FHIP2A: variants seen among roughly 807,000 people sequenced by gnomAD.
FHIP2A encodes the protein family with sequence similarity 160 member B1.
FHIP2A carries 46 observed loss-of-function variants against 93.5 expected under a neutral mutation model. The observed-to-expected ratio is 0.49, with a 90% CI of 0.39 to 0.63. The LOEUF is 0.63. FHIP2A is among the 20% of genes least tolerant of loss of function. The probability of loss-of-function intolerance (pLI) is 0.00; values close to 1 mark genes in which losing one functional copy is unlikely to be tolerated. For missense variants in FHIP2A, 769 were observed against 909.7 expected (o/e 0.85, Z 1.99); for synonymous variants, 332 against 326.5 (o/e 1.02, Z -0.18).
At chr10:114,878,868 CTCTT>C (rs1470696391) in intron 16 of FHIP2A, among the ~76,000 whole-genome samples, 1 of 151,888 alleles carries the variant, frequency 6.6e-6, no homozygotes, top group Admixed American at 6.6e-5. Context: ...TCTTTCCTAA[CTCTT>C]TCTTGGCTTT....
chr10:114,830,007 G>A (rs1020691735), intron 1 of FHIP2A, among the ~76,000 whole-genome samples: 1 of 152,140 alleles, frequency 6.6e-6, no homozygotes, highest in Non-Finnish European at 1.5e-5. Flanking sequence ...CTAAAAATAT[G>A]CACTGCCTAA....
chr10:114,872,410 C>T (rs1356950260), intron 16 of FHIP2A, among the ~76,000 whole-genome samples: 1 of 152,182 alleles, frequency 6.6e-6, no homozygotes, highest in Non-Finnish European at 1.5e-5. Flanking sequence ...TTATAACCCA[C>T]ACAATTTAAT....
intron 13 of FHIP2A, among the ~76,000 whole-genome samples, chr10:114,851,492 C>CT (rs1405278215): frequency 2.0e-5 from 3 of 151,928 alleles, no homozygotes; most frequent in Non-Finnish European, 2.9e-5. Context: ...CGTGTATTGA[C>CT]TTTAAGTGTA....
At position 114,864,687 on chromosome 10, in the gene FHIP2A, C is replaced by G. The variant is rs1316576618; in HGVS notation, c.*3147C>G. ...TGCATGCAGGACTAAGAGGGATGATCTAAAAAATAAATAATGTAATTTAAA... is the reference window on the plus strand; with the variant it reads ...TGCATGCAGGACTAAGAGGGATGATGTAAAAAATAAATAATGTAATTTAAA... On this transcript the variant is annotated 3_prime_UTR_variant, in exon 17 of 17. Transcript: ENST00000369248. The G allele has an allele frequency of 2.0e-6, 2 of 984,560 alleles. No individual in the cohort carries two copies. The highest frequency in any genetic ancestry group is 2.4e-6 in the Non-Finnish European group (2 of 829,208). 61.0% of individuals were successfully genotyped at this position (984,560 alleles called of 1,614,324 possible).
In FHIP2A at chr10:114,862,376, GAAAATTGCTTTAT is replaced by G. The variant is rs2083805835; in HGVS notation, c.*852_*864del. On this transcript the variant is annotated 3_prime_UTR_variant, in exon 17 of 17. Coordinates refer to ENST00000369248, the MANE Select transcript of FHIP2A (RefSeq NM_020940.4). ...ACCTTTTTCCCCCCTCTCCCTCTCAGAAAATTGCTTTATAAAATTGCTTTATAATTTGATTTTC... is the reference window on the plus strand; with the variant it reads ...ACCTTTTTCCCCCCTCTCCCTCTCAGAAAATTGCTTTATAATTTGATTTTC... 2 of 987,358 alleles carry G rather than the reference GAAAATTGCTTTAT, an allele frequency of 2.0e-6. No individual in the cohort carries two copies. Among genetic ancestry groups the G allele is most frequent in the Non-Finnish European group, 2.4e-6 (2 of 830,056 alleles). 61.2% of individuals were successfully genotyped at this position (987,358 alleles called of 1,614,324 possible).
intron 1 of FHIP2A, among the ~76,000 whole-genome samples, chr10:114,828,287 C>A (rs2083589043): frequency 6.6e-6 from 1 of 152,124 alleles, no homozygotes; most frequent in African/African-American, 2.4e-5. Flanking sequence ...AACAAGGGTC[C>A]TGACACAAAT....
In FHIP2A at chr10:114,862,522, A is replaced by G. The variant is rs1036331492; in HGVS notation, c.*982A>G. 1.0e-6 allele frequency: 1 copy of G among 987,258 alleles called. No homozygotes were observed. Among genetic ancestry groups the G allele is most frequent in the African/African-American group, 1.7e-5 (1 of 57,250 alleles). 61.2% of individuals were successfully genotyped at this position (987,258 alleles called of 1,614,324 possible). Reference sequence around the variant, plus strand: ...GTTTACATTTTTTTCTATTTTGTTCAGTCTTTTGTTTTAAATGATTCTAAA... The same window carrying G: ...GTTTACATTTTTTTCTATTTTGTTCGGTCTTTTGTTTTAAATGATTCTAAA... On this transcript the variant is annotated 3_prime_UTR_variant, in exon 17 of 17. Transcript: ENST00000369248.
intron 16 of FHIP2A, among the ~76,000 whole-genome samples, chr10:114,885,408 A>G (rs942104238): frequency 1.3e-5 from 2 of 152,004 alleles, no homozygotes; most frequent in African/African-American, 2.4e-5. Context: ...AAAAAAAAAA[A>G]AAAGAAAAAA....
chr10:114,881,941 CGTGT>C (rs2083919287), intron 16 of FHIP2A, among the ~76,000 whole-genome samples: 1 of 152,110 alleles, frequency 6.6e-6, no homozygotes, highest in South Asian at 2.1e-4. Context: ...TGCACGTGCG[CGTGT>C]GTATGTGTGT....
chr10:114,892,674 A>C (rs1309175137), intron 16 of FHIP2A, among the ~76,000 whole-genome samples: 1 of 152,090 alleles, frequency 6.6e-6, no homozygotes, highest in Admixed American at 6.6e-5. Flanking sequence ...AATTTTAAAT[A>C]ATATAAGAAT....
At chr10:114,849,867 A>G (rs182483089) in intron 13 of FHIP2A, among the ~76,000 whole-genome samples, 2 of 152,290 alleles carry the variant, frequency 1.3e-5, no homozygotes, top group East Asian at 1.9e-4. Context: ...ATGGAATCAT[A>G]CTATATGTGA....
intron 14 of FHIP2A, among the ~76,000 whole-genome samples, chr10:114,858,678 T>C (rs1229692808): frequency 1.3e-5 from 2 of 152,142 alleles, no homozygotes; most frequent in African/African-American, 4.8e-5. Context: ...ATTCATTGTT[T>C]ATTATGAGTT....
In FHIP2A at chr10:114,886,048, G is replaced by A. The variant is rs564649135; in HGVS notation, c.2193-13442G>A. Among the ~76,000 whole-genome samples, 22 of 152,340 alleles carry A rather than the reference G, an allele frequency of 1.4e-4. No individual in the cohort carries two copies. The South Asian group carries it at 4.3e-3, about 30-fold the overall frequency. On this transcript the variant is annotated intron_variant, in intron 16 of 16. Transcript: ENST00000369250. ...CAGTGGCATGGAATAAAGCGTCTTA[G>A]TGTCTCCTCTAGTGCCTAATTTAGT...
intron 13 of FHIP2A, 108 bp downstream of exon 13, chr10:114,848,845 T>A: frequency 2.7e-6 from 2 of 733,526 alleles, no homozygotes; most frequent in Non-Finnish European, 4.6e-6. Context: ...TTCATTCTTA[T>A]TAAAAATGAG....
chr10:114,878,775 CAAAAAAAAAA>C (rs71007499), intron 16 of FHIP2A, among the ~76,000 whole-genome samples: 3 of 101,168 alleles, frequency 3.0e-5, no homozygotes, highest in African/African-American at 1.0e-4. Flanking sequence ...GACTTCGCCT[CAAAAAAAAAA>C]AAAAAAAAAG....
In FHIP2A at chr10:114,833,288, A is replaced by G. The variant is rs774751284; in HGVS notation, c.180A>G (p.Leu60=). The change falls in exon 3 of 17, where the codon TTA becomes TTG. Residue 60 remains leucine (L), a synonymous_variant. Transcript: ENST00000369248. ...TTCCATCGCATCTGGAACAGATGTT[A>G]GATATACTGGTTCAAGAAGAAAATG... ...TNIPSHLEQM[L]DILVQEENER... is the part of the protein sequence containing the mutation. 6.8e-6 allele frequency: 11 copies of G among 1,613,398 alleles called. No homozygotes were observed. The East Asian group carries it at 2.0e-4, about 29-fold the overall frequency.
intron 5 of FHIP2A, among the ~76,000 whole-genome samples, chr10:114,838,685 C>G (rs1024858164): frequency 1.3e-5 from 2 of 152,078 alleles, no homozygotes; most frequent in Non-Finnish European, 2.9e-5. Context: ...AACTTGTTTT[C>G]TAAGTGCATA....
intron 14 of FHIP2A, 44 bp from the exon 15 acceptor site, chr10:114,860,705 A>G (rs1441198689): frequency 1.4e-6 from 2 of 1,442,660 alleles, no homozygotes; most frequent in Non-Finnish European, 9.8e-7. Flanking sequence ...GCACACCGGT[A>G]TACATTATTT....
chr10:114,896,496 C>G (rs1159757563), intron 16 of FHIP2A, among the ~76,000 whole-genome samples: 1 of 152,192 alleles, frequency 6.6e-6, no homozygotes, highest in Non-Finnish European at 1.5e-5. Context: ...TTAGGGCCCA[C>G]AGGCCTCCCA....
Sources: allele counts gnomAD v4.1 joint callset (sites outside exome capture counted in the v4.1 genomes callset), GRCh38; gene constraint gnomAD v4.1.1; transcripts MANE v1.5; gene names NCBI Gene and HGNC (gene_info 2026-07-23, HGNC 2026-07-21).